The following ATP9B variants were observed in gnomAD, a reference collection of about 807,000 sequenced individuals.
ATP9B encodes the protein ATPase phospholipid transporting 9B, also known as probable phospholipid-transporting ATPase IIB.
A neutral mutation model predicts 146.1 loss-of-function variants in ATP9B; 110 were observed. That is an observed-to-expected ratio of 0.75 (90% CI 0.65 to 0.88). The LOEUF (loss-of-function observed/expected upper bound fraction) is 0.88. Ranked by LOEUF, ATP9B falls within the 40% of genes least tolerant of loss-of-function variation. The pLI is 0.00. For missense variants in ATP9B, 1,499 were observed against 1,496.4 expected (o/e 1.00, Z -0.03); for synonymous variants, 604 against 569.7 (o/e 1.06, Z -0.86).
chr18:79,347,246 A>G (rs1468954709), intron 23 of ATP9B, among the ~76,000 whole-genome samples: 1 of 152,336 alleles, frequency 6.6e-6, no homozygotes, highest in Admixed American at 6.5e-5. Flanking sequence ...GACCTGGAAA[A>G]TTCACCTAGC....
intron 4 of ATP9B, among the ~76,000 whole-genome samples, chr18:79,118,940 A>G (rs568852489): frequency 2.0e-5 from 3 of 152,148 alleles, no homozygotes; most frequent in Admixed American, 1.3e-4. Flanking sequence ...GTGTGGTGGT[A>G]CATATCTTTA....
chr18:79,375,576 T>C, intron 29 of ATP9B, 150 bp downstream of exon 29: 1 of 1,471,860 alleles, frequency 6.8e-7, no homozygotes. Context: ...GGCCATGTGC[T>C]TGCTCGGCTA....
At chr18:79,092,907 A>G (rs1165155439) in intron 1 of ATP9B, among the ~76,000 whole-genome samples, 1 of 152,202 alleles carries the variant, frequency 6.6e-6, no homozygotes, top group Non-Finnish European at 1.5e-5. Flanking sequence ...ATGATACAGT[A>G]TAGTAAATAC....
chr18:79,184,085 G>C (rs2095280491), intron 8 of ATP9B, among the ~76,000 whole-genome samples: 1 of 151,964 alleles, frequency 6.6e-6, no homozygotes, highest in African/African-American at 2.4e-5. Flanking sequence ...TTGTTTATAT[G>C]TTTTTCTTTA....
At chr18:79,117,909 TA>T (rs2094115906) in intron 4 of ATP9B, 1 of 152,242 alleles carries the variant, frequency 6.6e-6, no homozygotes, top group Non-Finnish European at 1.5e-5. Context: ...ATTAAAACAA[TA>T]TGCAATATTA....
At chr18:79,252,232 G>A (rs548432323) in intron 11 of ATP9B, among the ~76,000 whole-genome samples, 7 of 152,318 alleles carry the variant, frequency 4.6e-5, no homozygotes, top group South Asian at 2.1e-4. Context: ...CTCCCTCTTC[G>A]CATCCCCTGG....
intron 25 of ATP9B, among the ~76,000 whole-genome samples, chr18:79,356,547 T>C (rs1033926744): frequency 6.6e-6 from 1 of 152,172 alleles, no homozygotes; most frequent in Non-Finnish European, 1.5e-5. Flanking sequence ...TAGTCAGCAA[T>C]AGAAAGAAAT....
intron 13 of ATP9B, among the ~76,000 whole-genome samples, chr18:79,302,469 AGGTG>A (rs958830896): frequency 1.9e-4 from 29 of 152,214 alleles, no homozygotes; most frequent in African/African-American, 7.0e-4. Flanking sequence ...CCCGGGGACA[AGGTG>A]AAAGCACCAC....
intron 11 of ATP9B, among the ~76,000 whole-genome samples, chr18:79,236,449 T>C (rs1238674356): frequency 2.6e-5 from 4 of 152,216 alleles, no homozygotes; most frequent in African/African-American, 9.6e-5. Context: ...GTAGCAACTC[T>C]CAGTTGTAAC....
chr18:79,121,278 GAGA>G (rs1170115379), intron 4 of ATP9B, among the ~76,000 whole-genome samples: 5 of 152,236 alleles, frequency 3.3e-5, no homozygotes, highest in East Asian at 1.9e-4. Context: ...CAAGCCACGT[GAGA>G]AGAAGTCCAT....
Position 79,215,662 on chromosome 18 carries a change from A to T in ATP9B, c.1107+1624A>T, listed in dbSNP as rs186365990. Among the ~76,000 whole-genome samples, 439 of 152,232 alleles carry T rather than the reference A, an allele frequency of 2.9e-3. 1 individual carries two copies. The highest frequency in any genetic ancestry group is 9.8e-3 in the African/African-American group (405 of 41,532). ...TTATATGTGTTTTCTGATAAGTGCT[A>T]TGTTATTTTTTTCATGTGAGCAAAA... On this transcript the variant is annotated intron_variant, in intron 11 of 29. Transcript: ENST00000426216.
intron 1 of ATP9B, among the ~76,000 whole-genome samples, chr18:79,070,984 G>A (rs1350024882): frequency 6.7e-6 from 1 of 149,402 alleles, no homozygotes. Flanking sequence ...TGATATGTTA[G>A]AATATAAGTG....
chr18:79,118,400 T>G lies in ATP9B; in HGVS notation c.558+5046T>G, dbSNP rs1033568677. ...ATATTGAACGTTTTTGTTTTTTTTTTTTTTTTTTTTTTTTTTTTGAGACAG... is the reference window on the plus strand; with the variant it reads ...ATATTGAACGTTTTTGTTTTTTTTTGTTTTTTTTTTTTTTTTTTGAGACAG... On this transcript the variant is annotated intron_variant, in intron 4 of 29. Transcript: ENST00000426216. Among the ~76,000 whole-genome samples the G allele has an allele frequency of 6.7e-4, 85 of 127,160 alleles. No individual in the cohort carries two copies. In the East Asian group the frequency reaches 6.7e-3, roughly 10 times the overall value. 83.4% of individuals were successfully genotyped at this position (127,160 alleles called of 152,430 possible).
chr18:79,359,562 T>C (rs751862530), intron 26 of ATP9B, 100 bp downstream of exon 26: 1 of 903,332 alleles, frequency 1.1e-6, no homozygotes, highest in East Asian at 2.6e-5. Context: ...TTCCAGGCAT[T>C]TTGTGAAAAA....
intron 11 of ATP9B, among the ~76,000 whole-genome samples, chr18:79,218,422 T>C (rs1045045581): frequency 9.2e-5 from 14 of 151,930 alleles, no homozygotes; most frequent in African/African-American, 2.9e-4. Context: ...CTTCTTGTCA[T>C]GTTTTCCTTG....
chr18:79,230,273 A>G (rs1426768927), intron 11 of ATP9B, among the ~76,000 whole-genome samples: 1 of 152,234 alleles, frequency 6.6e-6, no homozygotes, highest in Non-Finnish European at 1.5e-5. Flanking sequence ...AGGAAGTCAC[A>G]CTGTCACTGT....
chr18:79,180,362 G>A (rs368175084), intron 8 of ATP9B, among the ~76,000 whole-genome samples: 17 of 152,136 alleles, frequency 1.1e-4, no homozygotes, highest in African/African-American at 3.4e-4. Context: ...AGCTATGTAC[G>A]TTAGTTCTGT....
At chr18:79,357,304 C>G (rs1319606935) in intron 25 of ATP9B, among the ~76,000 whole-genome samples, 1 of 3,518 alleles carries the variant, frequency 2.8e-4, no homozygotes. Flanking sequence ...TGTGAGGGAC[C>G]CTGTGTGAGG....
chr18:79,213,502 C>T (rs1306140703), intron 10 of ATP9B, among the ~76,000 whole-genome samples: 1 of 151,998 alleles, frequency 6.6e-6, no homozygotes, highest in African/African-American at 2.4e-5. Context: ...CAAAGGCTGT[C>T]ACTGATATTT....
Sources: gnomAD v4.1 joint callset for allele counts (sites outside exome capture counted in the v4.1 genomes callset) on GRCh38, gnomAD v4.1.1 for gene constraint, MANE v1.5 for transcripts, NCBI Gene and HGNC (gene_info 2026-07-23, HGNC 2026-07-21) for gene names.